The following BTRC variants were observed in gnomAD, a reference collection of about 807,000 sequenced individuals.
The protein encoded by BTRC is F-box/WD repeat-containing protein 1A.
In BTRC, 42 loss-of-function variants were observed where a neutral mutation model predicts 85.5. The ratio of observed to expected loss-of-function variants is 0.49; its 90% CI spans 0.38 to 0.64. The LOEUF (loss-of-function observed/expected upper bound fraction) is 0.64, where lower values mean the gene tolerates loss of function less well. Among genes scored for constraint, BTRC ranks in the 30% least tolerant of loss-of-function variants. BTRC has a pLI of 0.00. For synonymous variants in BTRC, 255 were observed against 263.3 expected, an observed-to-expected ratio of 0.97 and a Z score of 0.30; for missense variants, 594 against 743.5, an observed-to-expected ratio of 0.80 and a Z score of 2.34.
rs189646539 is a variant in BTRC at position 101,515,037 on chromosome 10, C to T, written c.325-6602C>T. Among the ~76,000 whole-genome samples, 11 of 151,726 alleles carry T rather than the reference C, an allele frequency of 7.2e-5. No homozygotes were observed. The East Asian group carries it at 2.2e-3, about 30-fold the overall frequency. On this transcript the variant is annotated intron_variant, in intron 4 of 14. Transcript: ENST00000370187. ...GTGGCACGATCTCGGCTCACTGCAG[C>T]CTCCACCTCCCGGGTTCAAGCAATG...
At chr10:101,385,089 G>A (rs1000393176) in intron 1 of BTRC, among the ~76,000 whole-genome samples, 2 of 151,838 alleles carry the variant, frequency 1.3e-5, no homozygotes, top group East Asian at 1.9e-4. Flanking sequence ...CAAAATTAGC[G>A]TGGCATGGTG....
chr10:101,506,901 C>T (rs954237853), intron 4 of BTRC, among the ~76,000 whole-genome samples: 2 of 152,148 alleles, frequency 1.3e-5, no homozygotes, highest in Non-Finnish European at 2.9e-5. Flanking sequence ...ATTCTTCAGG[C>T]ATGGACTCAG....
At chr10:101,531,178 A>G (rs1051177296) in intron 6 of BTRC, 59 bp from the exon 7 acceptor site, 22 of 1,344,068 alleles carry the variant, frequency 1.6e-5, no homozygotes, top group Non-Finnish European at 1.9e-5. Context: ...CTCAAAATAT[A>G]TATGTATTTA....
chr10:101,461,965 T>C lies in BTRC; in HGVS notation c.157-16T>C. On this transcript the variant is annotated splice_polypyrimidine_tract_variant and intron_variant, in intron 2 of 14. Coordinates refer to ENST00000370187, the MANE Select transcript of BTRC (RefSeq NM_033637.4). The stretch of plus-strand genomic sequence containing the variant: ...AAGATAATGAGAACTGAATTAAAGC[T>C]TACTTTCTTTCACAGAATTCCTCAG... 3.2e-6 allele frequency: 5 copies of C among 1,585,404 alleles called. No individual in the cohort carries two copies. Among genetic ancestry groups the C allele is most frequent in the Non-Finnish European group, 4.3e-6 (5 of 1,156,274 alleles).
intron 1 of BTRC, among the ~76,000 whole-genome samples, chr10:101,407,212 G>A (rs1317365455): frequency 6.6e-6 from 1 of 152,106 alleles, no homozygotes; most frequent in African/African-American, 2.4e-5. Context: ...ATTAGGCGTA[G>A]TGGTATACAC....
intron 2 of BTRC, among the ~76,000 whole-genome samples, chr10:101,441,798 T>A (rs1159721682): frequency 6.8e-6 from 1 of 148,074 alleles, no homozygotes. Context: ...CGCGAATCGC[T>A]TGAACCTGGG....
At chr10:101,520,334 T>C (rs1033730328) in intron 4 of BTRC, among the ~76,000 whole-genome samples, 6 of 152,080 alleles carry the variant, frequency 3.9e-5, no homozygotes, top group Non-Finnish European at 4.4e-5. Context: ...ATTACAGGTA[T>C]AAGCTACTGC....
At chr10:101,463,918 G>T (rs9420821) in intron 3 of BTRC, among the ~76,000 whole-genome samples, 55,945 of 149,698 alleles carry the variant, frequency 0.37, 11,564 homozygotes, top group Middle Eastern at 0.49. Context: ...TAATTGTTTA[G>T]TAAATAGAAT....
intron 1 of BTRC, among the ~76,000 whole-genome samples, chr10:101,361,181 A>G (rs1942194960): frequency 6.6e-6 from 1 of 151,198 alleles, no homozygotes; most frequent in Non-Finnish European, 1.5e-5. Context: ...ATCTCAGCTC[A>G]CTGCAACCTC....
At chr10:101,396,735 C>T (rs1194816959) in intron 1 of BTRC, among the ~76,000 whole-genome samples, 1 of 135,050 alleles carries the variant, frequency 7.4e-6, no homozygotes, top group East Asian at 2.0e-4. Flanking sequence ...AGCAGATATT[C>T]GTCAGGGTTT....
chr10:101,357,784 C>T (rs535259928), intron 1 of BTRC, among the ~76,000 whole-genome samples: 84 of 152,278 alleles, frequency 5.5e-4, no homozygotes, highest in African/African-American at 2.0e-3. Context: ...ATAATTCACA[C>T]GTGATCGAGA....
At chr10:101,405,018 A>AG (rs1393267898) in intron 1 of BTRC, among the ~76,000 whole-genome samples, 1 of 135,450 alleles carries the variant, frequency 7.4e-6, no homozygotes, top group East Asian at 2.2e-4. Context: ...AAAAAAAAAA[A>AG]GTCTATGCCT....
intron 13 of BTRC, among the ~76,000 whole-genome samples, chr10:101,544,407 GTTTT>G (rs35751151): frequency 7.4e-6 from 1 of 135,370 alleles, no homozygotes; most frequent in Non-Finnish European, 1.6e-5. Context: ...ACTTGGGAAA[GTTTT>G]TTTTTTTTTT....
chr10:101,449,893 T>C (rs566158920), intron 2 of BTRC, among the ~76,000 whole-genome samples: 1 of 152,190 alleles, frequency 6.6e-6, no homozygotes, highest in South Asian at 2.1e-4. Context: ...TGGTATAAGA[T>C]GCCTGCTTTG....
At chr10:101,378,047 C>T (rs1942835471) in intron 1 of BTRC, among the ~76,000 whole-genome samples, 1 of 152,028 alleles carries the variant, frequency 6.6e-6, no homozygotes, top group Admixed American at 6.6e-5. Context: ...TCATGATCTA[C>T]ATTTACTGAT....
chr10:101,372,725 C>T (rs1164696539), intron 1 of BTRC, among the ~76,000 whole-genome samples: 1 of 151,556 alleles, frequency 6.6e-6, no homozygotes, highest in African/African-American at 2.4e-5. Flanking sequence ...ATTAGCCGGG[C>T]ATGGTGGGGC....
At chr10:101,400,617 T>C (rs1336265444) in intron 1 of BTRC, among the ~76,000 whole-genome samples, 1 of 152,208 alleles carries the variant, frequency 6.6e-6, no homozygotes, top group Non-Finnish European at 1.5e-5. Flanking sequence ...CTCTGGCTTA[T>C]TTGGCTGTTT....
At chr10:101,495,496 C>T (rs1946236352) in intron 4 of BTRC, among the ~76,000 whole-genome samples, 1 of 152,134 alleles carries the variant, frequency 6.6e-6, no homozygotes, top group African/African-American at 2.4e-5. Flanking sequence ...TCTGTAAGGG[C>T]CTGTGGTGTT....
chr10:101,458,279 T>C (rs1208261914), intron 2 of BTRC, among the ~76,000 whole-genome samples: 1 of 152,212 alleles, frequency 6.6e-6, no homozygotes, highest in Non-Finnish European at 1.5e-5. Flanking sequence ...TTACGTACGA[T>C]ATAATTCCAT....
Sources: gnomAD v4.1 joint callset for allele counts (sites outside exome capture counted in the v4.1 genomes callset) on GRCh38, gnomAD v4.1.1 for gene constraint, MANE v1.5 for transcripts, NCBI Gene and HGNC (gene_info 2026-07-23, HGNC 2026-07-21) for gene names.